Variants in NRG3 observed in about 807,000 individuals in gnomAD.
NRG3 encodes the protein pro-neuregulin-3, membrane-bound isoform.
A neutral mutation model predicts 66.9 loss-of-function variants in NRG3; 31 were observed. That is an observed-to-expected ratio of 0.46 (90% CI 0.35 to 0.63). NRG3 has a LOEUF of 0.63. NRG3 is among the 20% of genes least tolerant of loss of function. The pLI, the probability that NRG3 is intolerant of heterozygous loss-of-function variation, is 0.00. For synonymous variants in NRG3, 393 were observed against 359.4 expected, an observed-to-expected ratio of 1.09 and a Z score of -1.06; for missense variants, 910 against 878.9, an observed-to-expected ratio of 1.04 and a Z score of -0.45.
chr10:81,939,175 G>A (rs1380834058), intron 1 of NRG3, among the ~76,000 whole-genome samples: 1 of 151,744 alleles, frequency 6.6e-6, no homozygotes, highest in Non-Finnish European at 1.5e-5. Context: ...TATTTTTTTA[G>A]GGATTTTGAG....
chr10:82,527,712 A>C (rs1199554993), intron 2 of NRG3, among the ~76,000 whole-genome samples: 1 of 152,056 alleles, frequency 6.6e-6, no homozygotes, highest in African/African-American at 2.4e-5. Context: ...TCATTATGCT[A>C]TCTCCTACTT....
chr10:82,977,901 C>A (rs929984433), intron 7 of NRG3, among the ~76,000 whole-genome samples: 1 of 152,058 alleles, frequency 6.6e-6, no homozygotes, highest in Non-Finnish European at 1.5e-5. Flanking sequence ...GGTAAAATGT[C>A]TTTGAGAGAC....
chr10:82,184,641 G>A (rs1373167097), intron 1 of NRG3, among the ~76,000 whole-genome samples: 1 of 151,996 alleles, frequency 6.6e-6, no homozygotes. Flanking sequence ...TCACTTTCTG[G>A]AGACAATTAA....
In NRG3 at chr10:81,875,234, G is replaced by A. The variant is rs1191168841; in HGVS notation, c.-107G>A. 16 of 623,474 alleles carry A rather than the reference G, an allele frequency of 2.6e-5. No homozygotes were observed. Among genetic ancestry groups the A allele is most frequent in the Non-Finnish European group, 3.2e-5 (16 of 502,852 alleles). The allele number at this position is 623,474 out of a possible 1,614,324, so 38.6% of individuals were successfully genotyped here. A position where few individuals can be genotyped will look rare whatever the true frequency, so the allele number is the denominator to read the frequency against. Reference sequence around the variant, plus strand: ...CGCCGCGGCCGCTGCCTGCGCCCGAGCCCGCCGCCGCCGCCGGAGCCCGCG... The same window carrying A: ...CGCCGCGGCCGCTGCCTGCGCCCGAACCCGCCGCCGCCGCCGGAGCCCGCG... On this transcript the variant is annotated 5_prime_UTR_variant, in exon 1 of 9. Transcript: ENST00000372141. The surrounding 1 kb of genome is among the most constrained non-coding windows in gnomAD (Gnocchi z 5.3).
chr10:82,230,577 G>T (rs887803593), intron 1 of NRG3, among the ~76,000 whole-genome samples: 2 of 151,660 alleles, frequency 1.3e-5, no homozygotes, highest in African/African-American at 4.9e-5. Context: ...CTAGTTGCCA[G>T]ATTCCTTTAA....
In NRG3 at chr10:82,232,705, G is replaced by A. The variant is rs1349431232; in HGVS notation, c.824-126034G>A. 8 of 716,678 alleles carry A rather than the reference G, an allele frequency of 1.1e-5. No homozygotes were observed. The South Asian group carries it at 1.2e-4, about 11-fold the overall frequency. The allele number at this position is 716,678 out of a possible 1,614,324, so 44.4% of individuals were successfully genotyped here. ...GATGGGGCTACAAGAGGAGACACAG[G>A]AGAGACTCGAGAAAATAAAGTATTT... On this transcript the variant is annotated intron_variant, in intron 1 of 8. Coordinates refer to ENST00000372141, the MANE Select transcript of NRG3 (RefSeq NM_001010848.4).
intron 4 of NRG3, among the ~76,000 whole-genome samples, chr10:82,943,568 C>G (rs1848751646): frequency 6.6e-6 from 1 of 152,220 alleles, no homozygotes; most frequent in Admixed American, 6.5e-5. Context: ...AGGAGTATAT[C>G]TCAGTTCAAC....
intron 2 of NRG3, among the ~76,000 whole-genome samples, chr10:82,576,442 T>G (rs1245759830): frequency 1.3e-5 from 2 of 151,668 alleles, no homozygotes; most frequent in Non-Finnish European, 3.0e-5. Flanking sequence ...GGCCTGAGCT[T>G]TTCCAAAAGG....
At chr10:82,279,742 G>T (rs1014506890) in intron 1 of NRG3, among the ~76,000 whole-genome samples, 3 of 152,158 alleles carry the variant, frequency 2.0e-5, no homozygotes, top group Non-Finnish European at 4.4e-5. Flanking sequence ...ATCAGTGAAT[G>T]CCATGTGTTG....
chr10:82,125,692 A>G (rs2068399254), intron 1 of NRG3, among the ~76,000 whole-genome samples: 1 of 152,056 alleles, frequency 6.6e-6, no homozygotes, highest in Admixed American at 6.6e-5. Flanking sequence ...AACTCATATG[A>G]GGTATGTCTG....
chr10:82,666,750 T>C (rs1029627500), intron 2 of NRG3, among the ~76,000 whole-genome samples: 1 of 152,226 alleles, frequency 6.6e-6, no homozygotes, highest in African/African-American at 2.4e-5. Context: ...TCCTCCACTG[T>C]TAAATCCAAT....
In NRG3 at chr10:81,980,970, G is replaced by C. The variant is rs1674068183; in HGVS notation, c.823+104807G>C. On this transcript the variant is annotated intron_variant, in intron 1 of 8. Coordinates refer to ENST00000372141, the MANE Select transcript of NRG3 (RefSeq NM_001010848.4). ...TTTAAGTTAATCACCTCTTGCTCTT[G>C]CTCTAAATACAGTCACATTCTGAGT... Among the ~76,000 whole-genome samples, 3 of 149,534 alleles carry C rather than the reference G, an allele frequency of 2.0e-5. 1 individual carries two copies. The South Asian group carries it at 6.6e-4, about 33-fold the overall frequency.
At chr10:82,741,798 C>T (rs1292011445) in intron 3 of NRG3, among the ~76,000 whole-genome samples, 1 of 152,138 alleles carries the variant, frequency 6.6e-6, no homozygotes, top group Admixed American at 6.5e-5. Flanking sequence ...ACCCTCCCTT[C>T]TCTAGTTATT....
intron 2 of NRG3, among the ~76,000 whole-genome samples, chr10:82,391,797 A>G (rs553824921): frequency 1.3e-5 from 2 of 152,206 alleles, no homozygotes; most frequent in East Asian, 3.9e-4. Context: ...ATACTACAGC[A>G]GTTGAAATAG....
intron 2 of NRG3, among the ~76,000 whole-genome samples, chr10:82,678,285 G>A (rs1163246758): frequency 6.6e-6 from 1 of 152,252 alleles, no homozygotes; most frequent in Admixed American, 6.5e-5. Context: ...CCGAAAAAGA[G>A]AGTCAGCGAA....
chr10:82,002,543 A>G (rs2133691886), intron 1 of NRG3, among the ~76,000 whole-genome samples: 3 of 152,310 alleles, frequency 2.0e-5, no homozygotes, highest in African/African-American at 7.2e-5. Context: ...TTGGTACAGT[A>G]TAAACTTCTA....
chr10:82,376,025 C>T (rs1198356155), intron 2 of NRG3, among the ~76,000 whole-genome samples: 2 of 152,134 alleles, frequency 1.3e-5, no homozygotes, highest in African/African-American at 4.8e-5. Context: ...CCTGTTAGTC[C>T]TTCATGCCAG....
intron 4 of NRG3, among the ~76,000 whole-genome samples, chr10:82,906,783 G>A (rs1461143864): frequency 6.6e-6 from 1 of 151,908 alleles, no homozygotes; most frequent in Non-Finnish European, 1.5e-5. Context: ...TTCTAGAAAG[G>A]GTGAAGCATA....
At chr10:82,393,049 T>C (rs926093094) in intron 2 of NRG3, among the ~76,000 whole-genome samples, 1 of 152,036 alleles carries the variant, frequency 6.6e-6, no homozygotes, top group Non-Finnish European at 1.5e-5. Context: ...TAAAATGGAA[T>C]GTTGATCAAA....
Sources: gnomAD v4.1 joint callset for allele counts (sites outside exome capture counted in the v4.1 genomes callset) on GRCh38, gnomAD v4.1.1 for gene constraint, Gnocchi (gnomAD v3.1) non-coding constraint, MANE v1.5 for transcripts, NCBI Gene and HGNC (gene_info 2026-07-23, HGNC 2026-07-21) for gene names.